The following AK8 variants were observed in gnomAD, a reference collection of about 807,000 sequenced individuals.
The protein encoded by AK8 is ATP-AMP transphosphorylase 8.
A neutral mutation model predicts 54.6 loss-of-function variants in AK8; 44 were observed. The observed-to-expected ratio is 0.81, with a 90% CI of 0.63 to 1.04. The LOEUF (loss-of-function observed/expected upper bound fraction) is 1.04, where lower values mean the gene tolerates loss of function less well. Ranked by LOEUF, AK8 falls within the 50% of genes least tolerant of loss-of-function variation. The pLI, the probability that AK8 is intolerant of heterozygous loss-of-function variation, is 0.00. For synonymous variants in AK8, 239 were observed against 245.6 expected, an observed-to-expected ratio of 0.97 and a Z score of 0.25; for missense variants, 555 against 613.6, an observed-to-expected ratio of 0.90 and a Z score of 1.01.
At chr9:132,862,794 G>A (rs1286830345) in intron 4 of AK8, among the ~76,000 whole-genome samples, 2 of 152,158 alleles carry the variant, frequency 1.3e-5, no homozygotes, top group African/African-American at 4.8e-5. Context: ...CCCTTCCTGA[G>A]GATTTGGCTT....
chr9:132,786,541 TG>T (rs1231730417), intron 11 of AK8, among the ~76,000 whole-genome samples: 1 of 152,132 alleles, frequency 6.6e-6, no homozygotes, highest in Non-Finnish European at 1.5e-5. Context: ...GAGTCCTCTC[TG>T]GGGAATCGGA....
At chr9:132,870,314 A>G (rs911837207) in intron 2 of AK8, among the ~76,000 whole-genome samples, 3 of 152,246 alleles carry the variant, frequency 2.0e-5, no homozygotes, top group Admixed American at 1.3e-4. Context: ...GCTCATGAGT[A>G]ATTATTTATA....
intron 5 of AK8, among the ~76,000 whole-genome samples, chr9:132,847,645 G>C (rs903113337): frequency 6.6e-6 from 1 of 152,126 alleles, no homozygotes; most frequent in Non-Finnish European, 1.5e-5. Flanking sequence ...CAAATTTGAT[G>C]AGTAGCTATC....
At position 132,727,493 on chromosome 9, in the gene AK8, C is replaced by A; in HGVS notation, c.1163G>T (p.Arg388Leu). ...TGGATCAATTCTTCTCAGAGTCAGC[C>A]GCTCCATGATGGAATCAAATGGCAC... ...LNVPFDSIME[R>L]LTLRRIDPVT... is the part of the protein sequence containing the mutation. The change falls in exon 12 of 13, where the codon CGG (arginine) becomes CTG (leucine). Residue 388 changes from arginine to leucine, a missense_variant. Transcript: ENST00000298545. The A allele has an allele frequency of 6.2e-7, 1 of 1,614,038 alleles. No individual in the cohort carries two copies. The highest frequency in any genetic ancestry group is 1.1e-5 in the South Asian group (1 of 91,060).
chr9:132,763,191 AGT>A (rs1330131676), intron 11 of AK8, among the ~76,000 whole-genome samples: 1 of 152,220 alleles, frequency 6.6e-6, no homozygotes, highest in East Asian at 1.9e-4. Flanking sequence ...CTACCGCTGG[AGT>A]GTGCCTTGCT....
chr9:132,844,312 A>G (rs1390133780), intron 5 of AK8, among the ~76,000 whole-genome samples: 31 of 151,434 alleles, frequency 2.0e-4, no homozygotes, highest in Middle Eastern at 3.4e-3. Context: ...AAAAAAAAAA[A>G]AAAAGAAAAA....
chr9:132,767,246 T>C (rs927337512), intron 11 of AK8, among the ~76,000 whole-genome samples: 1 of 152,102 alleles, frequency 6.6e-6, no homozygotes, highest in African/African-American at 2.4e-5. Context: ...AGATTAGCAG[T>C]CAGAATACAC....
chr9:132,863,838 C>A (rs961368038), intron 3 of AK8, 60 bp from the exon 4 acceptor site: 52 of 1,279,486 alleles, frequency 4.1e-5, no homozygotes, highest in Non-Finnish European at 4.6e-5. Context: ...ACAAATGACT[C>A]TATTAAAATG....
rs901328947 is a variant in AK8 at position 132,765,227 on chromosome 9, A to G, written c.1121+27407T>C. Among the ~76,000 whole-genome samples, 3 of 130,354 alleles carry G rather than the reference A, an allele frequency of 2.3e-5. No homozygotes were observed. In the South Asian group the frequency reaches 8.2e-4, roughly 36 times the overall value. The allele number at this position is 130,354 out of a possible 152,430, so 85.5% of individuals were successfully genotyped here. A position where few individuals can be genotyped will look rare whatever the true frequency, so the allele number is the denominator to read the frequency against. Reference sequence around the variant, plus strand: ...AGAGTTGCTTGAGCCCAGGGGGCGGAGGTTGTAGTGAGCCAAGATCATGCC... The same window carrying G: ...AGAGTTGCTTGAGCCCAGGGGGCGGGGGTTGTAGTGAGCCAAGATCATGCC... On this transcript the variant is annotated intron_variant, in intron 11 of 12. Coordinates refer to ENST00000298545, the MANE Select transcript of AK8 (RefSeq NM_152572.3).
intron 11 of AK8, among the ~76,000 whole-genome samples, chr9:132,746,730 A>G (rs533293310): frequency 1.3e-5 from 2 of 152,326 alleles, no homozygotes; most frequent in African/African-American, 4.8e-5. Flanking sequence ...TGCCTTACGG[A>G]GGCAGCAAAA....
intron 9 of AK8, among the ~76,000 whole-genome samples, chr9:132,818,304 T>C (rs1448478083): frequency 2.6e-5 from 4 of 152,158 alleles, no homozygotes; most frequent in Non-Finnish European, 5.9e-5. Flanking sequence ...TGGGTACATA[T>C]AAAAGTCTCT....
chr9:132,802,571 A>C (rs1286076476), intron 10 of AK8, among the ~76,000 whole-genome samples: 1 of 152,062 alleles, frequency 6.6e-6, no homozygotes, highest in Non-Finnish European at 1.5e-5. Context: ...GGCTGTGAGG[A>C]GGGAAGATGC....
intron 10 of AK8, among the ~76,000 whole-genome samples, chr9:132,802,552 C>T (rs570260392): frequency 3.9e-5 from 6 of 152,188 alleles, no homozygotes; most frequent in African/African-American, 1.4e-4. Context: ...GAAGCCAGCC[C>T]CACGGAGAGG....
chr9:132,773,764 C>T (rs1839080479), intron 11 of AK8, among the ~76,000 whole-genome samples: 2 of 152,116 alleles, frequency 1.3e-5, no homozygotes, highest in Admixed American at 1.3e-4. Context: ...ATGCTGCTTC[C>T]CATCACGAGA....
At chr9:132,778,346 G>A (rs566933612) in intron 11 of AK8, among the ~76,000 whole-genome samples, 5 of 152,130 alleles carry the variant, frequency 3.3e-5, no homozygotes, top group Admixed American at 6.5e-5. Context: ...ATTAACCTTC[G>A]TCAGCCACTG....
Position 132,751,308 on chromosome 9 carries a change from C to A in AK8, c.1122-23774G>T, listed in dbSNP as rs939051886. ...CTGAGGCAGGAGAATCGCTTGAACC[C>A]GGGAGGCAGAGGTTGCAGTGAGCCG... On this transcript the variant is annotated intron_variant, in intron 11 of 12. Transcript: ENST00000298545. Among the ~76,000 whole-genome samples the A allele has an allele frequency of 4.2e-5, 6 of 144,546 alleles. No homozygotes were observed. The East Asian group carries it at 1.3e-3, about 31-fold the overall frequency. The allele number at this position is 144,546 out of a possible 152,430, so 94.8% of individuals were successfully genotyped here. A position where few individuals can be genotyped will look rare whatever the true frequency, so the allele number is the denominator to read the frequency against.
intron 5 of AK8, among the ~76,000 whole-genome samples, chr9:132,829,147 AG>A (rs1252950463): frequency 1.3e-5 from 2 of 152,110 alleles, no homozygotes; most frequent in Non-Finnish European, 1.5e-5. Context: ...TAGTAGAAAC[AG>A]AGTTTCACCA....
rs532514446 is a variant in AK8 at position 132,779,194 on chromosome 9, C to T, written c.1121+13440G>A. ...TCCCTTCAATATTTGCCATCTTAGC[C>T]TCTTTGTATTGAGCAGGAATTCAGC... On this transcript the variant is annotated intron_variant, in intron 11 of 12. Coordinates refer to ENST00000298545, the MANE Select transcript of AK8 (RefSeq NM_152572.3). Among the ~76,000 whole-genome samples the T allele has an allele frequency of 2.6e-5, 4 of 152,322 alleles. No homozygotes were observed. In the South Asian group the frequency reaches 8.3e-4, roughly 32 times the overall value.
At position 132,877,974 on chromosome 9, in the gene AK8, C is replaced by G. The variant is rs113584665; in HGVS notation, c.84+198G>C. On this transcript the variant is annotated intron_variant, in intron 1 of 12. Coordinates refer to ENST00000298545, the MANE Select transcript of AK8 (RefSeq NM_152572.3). ...TCCCCCTGGGTCCGCCTGAGGCAAA[C>G]CCGGGCAGGACCAGGAGCGTCCCCA... is the stretch of plus-strand genomic sequence containing the variant. 2.6e-5 allele frequency: 37 copies of G among 1,413,140 alleles called. No individual in the cohort carries two copies. In the African/African-American group the frequency reaches 4.5e-4, roughly 17 times the overall value. The allele number at this position is 1,413,140 out of a possible 1,614,324, so 87.5% of individuals were successfully genotyped here. A position where few individuals can be genotyped will look rare whatever the true frequency, so the allele number is the denominator to read the frequency against.
Sources: gnomAD v4.1 joint callset for allele counts (sites outside exome capture counted in the v4.1 genomes callset) on GRCh38, gnomAD v4.1.1 for gene constraint, MANE v1.5 for transcripts, NCBI Gene and HGNC (gene_info 2026-07-23, HGNC 2026-07-21) for gene names.